The following HOMEZ variants were observed in gnomAD, a reference collection of about 807,000 sequenced individuals.
HOMEZ encodes homeobox and leucine zipper protein Homez.
A neutral mutation model predicts 50.1 loss-of-function variants in HOMEZ; 20 were observed. The ratio of observed to expected loss-of-function variants is 0.40; its 90% CI spans 0.28 to 0.58. The LOEUF (loss-of-function observed/expected upper bound fraction) is 0.58, where lower values mean the gene tolerates loss of function less well. Among genes scored for constraint, HOMEZ ranks in the 20% least tolerant of loss-of-function variants. The pLI, the probability that HOMEZ is intolerant of heterozygous loss-of-function variation, is 0.46. For synonymous variants in HOMEZ, 239 were observed against 254.7 expected, an observed-to-expected ratio of 0.94 and a Z score of 0.59; for missense variants, 579 against 680.5, an observed-to-expected ratio of 0.85 and a Z score of 1.66.
chr14:23,280,709 AT>A (rs1031806493), intron 1 of HOMEZ, among the ~76,000 whole-genome samples: 2,709 of 48,914 alleles, frequency 0.055, 169 homozygotes, highest in African/African-American at 0.14. Context: ...TTATATTTTT[AT>A]TTTTATTTTA....
chr14:23,279,868 G>T (rs1886453668), intron 1 of HOMEZ, among the ~76,000 whole-genome samples: 1 of 152,084 alleles, frequency 6.6e-6, no homozygotes, highest in Non-Finnish European at 1.5e-5. Flanking sequence ...CTACAGCCTC[G>T]AATTCCTGGG....
chr14:23,278,527 G>C (rs1030736778), intron 1 of HOMEZ, among the ~76,000 whole-genome samples: 1 of 151,756 alleles, frequency 6.6e-6, no homozygotes, highest in African/African-American at 2.4e-5. Flanking sequence ...AGCCATATCC[G>C]GCTAATTTTA....
At chr14:23,278,864 C>T (rs1886425206) in intron 1 of HOMEZ, among the ~76,000 whole-genome samples, 1 of 152,010 alleles carries the variant, frequency 6.6e-6, no homozygotes, top group South Asian at 2.1e-4. Context: ...TTAGTAGAGA[C>T]GAGGTTTTAC....
At chr14:23,281,243 T>C (rs1179486967) in intron 1 of HOMEZ, among the ~76,000 whole-genome samples, 2 of 152,298 alleles carry the variant, frequency 1.3e-5, no homozygotes, top group East Asian at 1.9e-4. Flanking sequence ...TTAATACGTG[T>C]CACCATTTCC....
chr14:23,278,492 A>C (rs1480754425), intron 1 of HOMEZ, among the ~76,000 whole-genome samples: 1 of 151,932 alleles, frequency 6.6e-6, no homozygotes, highest in Non-Finnish European at 1.5e-5. Flanking sequence ...CAGCCTCCCA[A>C]GTAGCTAGGA....
At position 23,275,284 on chromosome 14, in the gene HOMEZ, G is replaced by A. The variant is rs759202854; in HGVS notation, c.*291C>T. The A allele has an allele frequency of 4.8e-6, 2 of 416,530 alleles. No individual in the cohort carries two copies. Among genetic ancestry groups the A allele is most frequent in the Non-Finnish European group, 4.3e-6 (1 of 234,976 alleles). 25.8% of individuals were successfully genotyped at this position (416,530 alleles called of 1,614,324 possible). A position where few individuals can be genotyped will look rare whatever the true frequency, so the allele number is the denominator to read the frequency against. ...ACCAAGGGAAAAAAACAGCAGACACGAGGAGAGCAAGAGCAGCTTCCCAGC... is the reference window on the plus strand; with the variant it reads ...ACCAAGGGAAAAAAACAGCAGACACAAGGAGAGCAAGAGCAGCTTCCCAGC... On this transcript the variant is annotated 3_prime_UTR_variant, in exon 2 of 2. Coordinates refer to ENST00000357460, the MANE Select transcript of HOMEZ (RefSeq NM_020834.3).
chr14:23,283,484 GAC>G (rs1048969643), intron 1 of HOMEZ, among the ~76,000 whole-genome samples: 8 of 152,200 alleles, frequency 5.3e-5, no homozygotes. Context: ...ACAGATGGAA[GAC>G]AAGAACGGAC....
Position 23,276,801 on chromosome 14 carries a change from G to A in HOMEZ, c.427C>T (p.His143Tyr). Residue 143 changes from histidine to tyrosine, a missense_variant, in exon 2 of 2, where the codon CAT (histidine) becomes TAT (tyrosine). Coordinates refer to ENST00000357460, the MANE Select transcript of HOMEZ (RefSeq NM_020834.3). The surrounding 1 kb of genome is among the most constrained non-coding windows in gnomAD (Gnocchi z 4.1). ...TCCTCTGGGGGCCGTCCCGCATGAT[G>A]AGTAAAAGAGAGAAGGGATTTGAAA... ...LHFKSLLSFTHHAGRPPEEVP... is the reference protein window; with the variant it reads ...LHFKSLLSFTYHAGRPPEEVP... 3 of 1,614,076 alleles carry A rather than the reference G, an allele frequency of 1.9e-6. No individual in the cohort carries two copies. Among genetic ancestry groups the A allele is most frequent in the East Asian group, 2.2e-5 (1 of 44,892 alleles).
intron 1 of HOMEZ, chr14:23,284,969 C>T (rs567710918): frequency 3.9e-5 from 6 of 152,122 alleles, no homozygotes; most frequent in African/African-American, 1.4e-4. Context: ...GTCCAGGCAT[C>T]CAAAGTTTTT....
chr14:23,279,241 T>A (rs1168451790), intron 1 of HOMEZ, among the ~76,000 whole-genome samples: 1 of 152,198 alleles, frequency 6.6e-6, no homozygotes, highest in Non-Finnish European at 1.5e-5. Context: ...TATAAAATTT[T>A]CTTTTTTTTT....
At position 23,273,645 on chromosome 14, in the gene HOMEZ, C is replaced by G. The variant is rs1013842186; in HGVS notation, c.*1930G>C. 1 of 152,240 alleles carries G rather than the reference C, an allele frequency of 6.6e-6. No homozygotes were observed. The highest frequency in any genetic ancestry group is 1.5e-5 in the Non-Finnish European group (1 of 68,044). The allele number at this position is 152,240 out of a possible 1,614,324, so 9.4% of individuals were successfully genotyped here. On this transcript the variant is annotated 3_prime_UTR_variant, in exon 2 of 2. Coordinates refer to ENST00000357460, the MANE Select transcript of HOMEZ (RefSeq NM_020834.3). ...AAAATACTGGAAAAACAGAAAATAG[C>G]AGGCATCTGCCAGAAATAAATTAGG...
At position 23,272,829 on chromosome 14, in the gene HOMEZ, T is replaced by C. The variant is rs1187793173; in HGVS notation, c.*2746A>G. The C allele has an allele frequency of 1.9e-6, 3 of 1,548,084 alleles. No homozygotes were observed. The African/African-American group carries it at 4.1e-5, about 21-fold the overall frequency. ...TTCTTGTCCTCTGCTGCAGACTCTC[T>C]ACCAACAACGGAGGCATATGGGATT... is the stretch of plus-strand genomic sequence containing the variant. On this transcript the variant is annotated 3_prime_UTR_variant, in exon 2 of 2. Coordinates refer to ENST00000357460, the MANE Select transcript of HOMEZ (RefSeq NM_020834.3).
Position 23,280,709 on chromosome 14 carries a change from A to ATTTTATTT in HOMEZ, c.41-3523_41-3522insAAATAAAA, listed in dbSNP as rs1594964856. Reference sequence around the variant, plus strand: ...ATTTTATTTTTATTTTTATATTTTTATTTTTATTTTATTTTATTTTATTTT... The same window carrying ATTTTATTT: ...ATTTTATTTTTATTTTTATATTTTTATTTTATTTTTTTTATTTTATTTTATTTTATTTT... On this transcript the variant is annotated intron_variant, in intron 1 of 1. Transcript: ENST00000357460. Among the ~76,000 whole-genome samples the ATTTTATTT allele has an allele frequency of 1.2e-4, 6 of 49,798 alleles. 1 individual carries two copies. Among genetic ancestry groups the ATTTTATTT allele is most frequent in the Non-Finnish European group, 2.4e-4 (5 of 20,564 alleles). 32.7% of individuals were successfully genotyped at this position (49,798 alleles called of 152,430 possible). A position where few individuals can be genotyped will look rare whatever the true frequency, so the allele number is the denominator to read the frequency against.
chr14:23,276,392 G>C lies in HOMEZ; in HGVS notation c.836C>G (p.Ser279Cys), dbSNP rs765188704. Residue 279 changes from serine (S) to cysteine (C), a missense_variant, in exon 2 of 2, where the codon TCT becomes TGT. Physicochemically the swap from Ser to Cys is moderately radical, Grantham distance 112. Transcript: ENST00000357460. This position sits in a 1 kb window ranked among gnomAD's most constrained non-coding sequence, Gnocchi z 4.1. ...AGAGGAAGAAGAGGGAGTAACACTA[G>C]ATGCTGACTCCTCCTTACAACTACT... is the stretch of plus-strand genomic sequence containing the variant. ...IASSCKEESASSVTPSSSSTS... is the reference protein window; with the variant it reads ...IASSCKEESACSVTPSSSSTS... 6.2e-7 allele frequency: 1 copy of C among 1,613,992 alleles called. No individual in the cohort carries two copies. Among genetic ancestry groups the C allele is most frequent in the Admixed American group, 1.7e-5 (1 of 60,028 alleles).
chr14:23,281,683 G>C (rs1886559370), intron 1 of HOMEZ, among the ~76,000 whole-genome samples: 1 of 151,904 alleles, frequency 6.6e-6, no homozygotes. Flanking sequence ...AGCACCTTGG[G>C]CCGAGCGCAG....
chr14:23,272,960 G>A lies in HOMEZ; in HGVS notation c.*2615C>T. 1 of 863,388 alleles carries A rather than the reference G, an allele frequency of 1.2e-6. No homozygotes were observed. The highest frequency in any genetic ancestry group is 1.8e-5 in the South Asian group (1 of 56,240). The allele number at this position is 863,388 out of a possible 1,614,324, so 53.5% of individuals were successfully genotyped here. A position where few individuals can be genotyped will look rare whatever the true frequency, so the allele number is the denominator to read the frequency against. ...CTGTAGCTTCCAGTACGCATTAGGG[G>A]TGATGGCCCTGGAAAATGTATCCCT... is the stretch of plus-strand genomic sequence containing the variant. On this transcript the variant is annotated 3_prime_UTR_variant, in exon 2 of 2. Transcript: ENST00000357460.
At chr14:23,279,128 C>T (rs968015045) in intron 1 of HOMEZ, among the ~76,000 whole-genome samples, 8 of 152,150 alleles carry the variant, frequency 5.3e-5, no homozygotes, top group African/African-American at 1.4e-4. Context: ...GAATTACAAG[C>T]GTGCACCATG....
Position 23,276,540 on chromosome 14 carries a change from T to G in HOMEZ, c.688A>C (p.Lys230Gln). The G allele has an allele frequency of 6.2e-7, 1 of 1,613,980 alleles. No individual in the cohort carries two copies. The highest frequency in any genetic ancestry group is 8.5e-7 in the Non-Finnish European group (1 of 1,179,870). Residue 230 changes from lysine (K) to glutamine (Q), a missense_variant, in exon 2 of 2, where the codon AAG becomes CAG. Coordinates refer to ENST00000357460, the MANE Select transcript of HOMEZ (RefSeq NM_020834.3). The surrounding 1 kb of genome is among the most constrained non-coding windows in gnomAD (Gnocchi z 4.1). Reference sequence around the variant, plus strand: ...TTGGGACCCCTGCCTGCCTGCTCCTTTGAGAGGCCACTGCTTTGAAGATGT... The same window carrying G: ...TTGGGACCCCTGCCTGCCTGCTCCTGTGAGAGGCCACTGCTTTGAAGATGT... ...WQHLQSSGLS[K>Q]EQAGRGPNQS...
rs1252624821 is a variant in HOMEZ, at chr14:23,276,383, GT to G, written c.844del (p.Thr282LeufsTer28). 6.2e-7 allele frequency: 1 copy of G among 1,613,916 alleles called. No homozygotes were observed. On this transcript the variant is annotated frameshift_variant, in exon 2 of 2. Transcript: ENST00000357460. LOFTEE classifies it high-confidence loss of function. This position sits in a 1 kb window ranked among gnomAD's most constrained non-coding sequence, Gnocchi z 4.1. ...SCKEESASSV[T>X]PSSSSTSSSF... ...AGAAGAGGTAGAGGAAGAAGAGGGAGTAACACTAGATGCTGACTCCTCCTTA... is the reference window on the plus strand; with the variant it reads ...AGAAGAGGTAGAGGAAGAAGAGGGAGAACACTAGATGCTGACTCCTCCTTA...
Sources: gnomAD v4.1 joint callset for allele counts (sites outside exome capture counted in the v4.1 genomes callset) on GRCh38, gnomAD v4.1.1 for gene constraint, Gnocchi (gnomAD v3.1) non-coding constraint, MANE v1.5 for transcripts, NCBI Gene and HGNC (gene_info 2026-07-23, HGNC 2026-07-21) for gene names.